The following TMEM272 variants were observed in gnomAD, a reference collection of about 807,000 sequenced individuals.
The protein encoded by TMEM272 is long intergenic non-protein coding RNA 282.
In TMEM272, 8 loss-of-function variants were observed where a neutral mutation model predicts 3.7. The observed-to-expected ratio is 2.17, with a 90% CI of 1.27 to 3.91. The LOEUF (loss-of-function observed/expected upper bound fraction) is 3.91. Ranked by LOEUF, TMEM272 falls within the 30% of genes most tolerant of loss-of-function variation. The pLI is 0.00. For synonymous variants in TMEM272, 63 were observed against 39.8 expected (o/e 1.58, Z -2.20); for missense variants, 166 against 91.5 (o/e 1.81, Z -3.32).
the TMEM272 span, chr13:51,865,386 C>A: frequency 6.3e-7 from 1 of 1,590,486 alleles, no homozygotes. Context: ...CTCATGGCCA[C>A]CCCGCCATTC....
At chr13:51,866,176 T>C in the TMEM272 span, 1 of 1,018,670 alleles carries the variant, frequency 9.8e-7, no homozygotes, top group East Asian at 2.6e-5. Flanking sequence ...ACACACTCAT[T>C]GGTCTCCTTG....
the TMEM272 span, among the ~76,000 whole-genome samples, chr13:51,857,426 T>C: frequency 7.9e-5 from 12 of 152,132 alleles, no homozygotes; most frequent in Non-Finnish European, 1.3e-4. Context: ...TACAAATGTA[T>C]GTTGACTAGC....
At chr13:51,836,674 G>A (rs1956219196) in intron 2 of TMEM272, among the ~76,000 whole-genome samples, 1 of 152,116 alleles carries the variant, frequency 6.6e-6, no homozygotes, top group Non-Finnish European at 1.5e-5. Flanking sequence ...TTGCAACCAA[G>A]TACTGCTTGT....
the TMEM272 span, among the ~76,000 whole-genome samples, chr13:51,872,486 A>C: frequency 6.6e-6 from 1 of 152,178 alleles, no homozygotes; most frequent in African/African-American, 2.4e-5. Flanking sequence ...AACATAGGGG[A>C]AGACATGCTC....
At chr13:51,854,666 C>T in the TMEM272 span, among the ~76,000 whole-genome samples, 1 of 152,176 alleles carries the variant, frequency 6.6e-6, no homozygotes, top group Non-Finnish European at 1.5e-5. Context: ...ATTCTCTATG[C>T]ACTTCCTTCT....
In TMEM272 at chr13:51,813,715, T is replaced by A. The variant is rs1955989279; in HGVS notation, c.*3036A>T. On this transcript the variant is annotated 3_prime_UTR_variant, in exon 5 of 5. Transcript: ENST00000629372. ...AAGATTTGAGAACCACTAGTGTGGC[T>A]GACTCCAGTGAAACAGTCCCACTTT... 1 of 159,862 alleles carries A rather than the reference T, an allele frequency of 6.3e-6. No individual in the cohort carries two copies. The highest frequency in any genetic ancestry group is 6.5e-5 in the Admixed American group (1 of 15,490). 9.9% of individuals were successfully genotyped at this position (159,862 alleles called of 1,614,324 possible).
upstream of TMEM272, among the ~76,000 whole-genome samples, chr13:51,850,080 G>T (rs1956324201): frequency 6.6e-6 from 1 of 152,162 alleles, no homozygotes; most frequent in Admixed American, 6.5e-5. Context: ...GTAGGGGTGT[G>T]TGCCTGTAGT....
At chr13:51,903,019 G>A in the TMEM272 span, among the ~76,000 whole-genome samples, 2 of 152,128 alleles carry the variant, frequency 1.3e-5, no homozygotes, top group African/African-American at 2.4e-5. Flanking sequence ...AAGGGGCCCT[G>A]GGCAAGGCAC....
chr13:51,894,204 A>G, the TMEM272 span, among the ~76,000 whole-genome samples: 1 of 152,356 alleles, frequency 6.6e-6, no homozygotes, highest in South Asian at 2.1e-4. Flanking sequence ...TAACTGTGAA[A>G]GGACAGGGAC....
the TMEM272 span, among the ~76,000 whole-genome samples, chr13:51,859,639 A>C: frequency 6.6e-6 from 1 of 152,130 alleles, no homozygotes. Context: ...GCAGACTTTA[A>C]TGCCCACACA....
At chr13:51,842,223 C>T (rs1232369647) in intron 1 of TMEM272, among the ~76,000 whole-genome samples, 2 of 152,228 alleles carry the variant, frequency 1.3e-5, no homozygotes, top group Non-Finnish European at 2.9e-5. Context: ...GTGCCGCAGG[C>T]AGGCGTGGGT....
chr13:51,913,236 C>A, the TMEM272 span, among the ~76,000 whole-genome samples: 6 of 152,280 alleles, frequency 3.9e-5, no homozygotes, highest in South Asian at 1.0e-3. Context: ...GAGCTTCAAT[C>A]CCTTGCATAA....
At chr13:51,910,019 T>C in the TMEM272 span, 19 of 1,509,706 alleles carry the variant, frequency 1.3e-5, no homozygotes, top group Non-Finnish European at 1.7e-5. Context: ...CCAGTTTTTC[T>C]TCATTCATTT....
the TMEM272 span, among the ~76,000 whole-genome samples, chr13:51,880,275 C>CA: frequency 0.012 from 1,586 of 129,236 alleles, 25 homozygotes; most frequent in African/African-American, 0.041. Context: ...TTCCTTTCAC[C>CA]AAAAAAAAAA....
At chr13:51,818,869 G>A (rs1486931379) in intron 4 of TMEM272, among the ~76,000 whole-genome samples, 1 of 152,162 alleles carries the variant, frequency 6.6e-6, no homozygotes, top group Admixed American at 6.5e-5. Flanking sequence ...TTGCCCAAAT[G>A]AGGAAACTAA....
chr13:51,821,340 T>C (rs1593590511), intron 4 of TMEM272, among the ~76,000 whole-genome samples: 1 of 152,136 alleles, frequency 6.6e-6, no homozygotes, highest in South Asian at 2.1e-4. Flanking sequence ...TCTTGGTAGG[T>C]GTAACATTTC....
chr13:51,910,006 T>C, the TMEM272 span: 7 of 1,536,582 alleles, frequency 4.6e-6, no homozygotes, highest in Non-Finnish European at 6.3e-6. Flanking sequence ...TGTATTCCTA[T>C]CTCCAGTTTT....
chr13:51,926,001 T>G, the TMEM272 span, among the ~76,000 whole-genome samples: 1 of 152,058 alleles, frequency 6.6e-6, no homozygotes, highest in African/African-American at 2.4e-5. Flanking sequence ...GTGTATGTGG[T>G]ATGTGTGGCA....
intron 2 of TMEM272, 47 bp from the exon 3 acceptor site, chr13:51,826,672 C>T: frequency 1.4e-6 from 1 of 701,794 alleles, no homozygotes; most frequent in Non-Finnish European, 2.6e-6. Context: ...ACACACAGAC[C>T]CCTGCATTTC....
Sources: gnomAD v4.1 joint callset for allele counts (sites outside exome capture counted in the v4.1 genomes callset) on GRCh38, gnomAD v4.1.1 for gene constraint, MANE v1.5 for transcripts, NCBI Gene and HGNC (gene_info 2026-07-23, HGNC 2026-07-21) for gene names.